The following NRG1 variants were observed in gnomAD, a reference collection of about 807,000 sequenced individuals.
NRG1 encodes the protein pro-neuregulin-1, membrane-bound isoform.
NRG1 carries 18 observed loss-of-function variants against 63.8 expected under a neutral mutation model. The observed-to-expected ratio is 0.28, with a 90% confidence interval of 0.19 to 0.42. The LOEUF is 0.42. Among genes scored for constraint, NRG1 ranks in the 10% least tolerant of loss-of-function variants. The pLI, the probability that NRG1 is intolerant of heterozygous loss-of-function variation, is 1.00. For synonymous variants in NRG1, 302 were observed against 301.3 expected, an observed-to-expected ratio of 1.00 and a Z score of -0.02; for missense variants, 762 against 814.7, an observed-to-expected ratio of 0.94 and a Z score of 0.79.
In NRG1 at chr8:31,963,967, G is replaced by A. The variant is rs118153056; in HGVS notation, c.37+324536G>A. On this transcript the variant is annotated intron_variant, in intron 1 of 10. Transcript: ENST00000519301. ...GGTAACAGGTAGAAAATGTATTGGA[G>A]GAGACTGAGGTTTTTCAAACCTACA... Among the ~76,000 whole-genome samples, 120 of 152,266 alleles carry A rather than the reference G, an allele frequency of 7.9e-4. 4 individuals are homozygous for A. In the East Asian group the frequency reaches 0.022, roughly 28 times the overall value.
At chr8:32,458,553 A>AT (rs1163180895) in intron 1 of NRG1, among the ~76,000 whole-genome samples, 1 of 151,984 alleles carries the variant, frequency 6.6e-6, no homozygotes. Context: ...TATTTCTGCC[A>AT]TTTTTTCTTT....
At chr8:31,927,955 G>C (rs10100377) in intron 1 of NRG1, among the ~76,000 whole-genome samples, 5,212 of 146,308 alleles carry the variant, frequency 0.036, 333 homozygotes, top group African/African-American at 0.13. Context: ...CCATGTTGGT[G>C]TGTGCACCCA....
chr8:32,374,635 C>T (rs969394034), intron 1 of NRG1, among the ~76,000 whole-genome samples: 1 of 152,190 alleles, frequency 6.6e-6, no homozygotes, highest in Non-Finnish European at 1.5e-5. Flanking sequence ...ACATCTTCAC[C>T]TCCAGGGCCT....
intron 1 of NRG1, among the ~76,000 whole-genome samples, chr8:31,732,086 T>G (rs1434329069): frequency 6.6e-6 from 1 of 152,156 alleles, no homozygotes; most frequent in African/African-American, 2.4e-5. Flanking sequence ...AGTAAGGAGT[T>G]GAAAGTTTTT....
chr8:32,700,429 A>T (rs184644755), intron 5 of NRG1, among the ~76,000 whole-genome samples: 483 of 152,308 alleles, frequency 3.2e-3, no homozygotes, highest in Non-Finnish European at 5.3e-3. Context: ...TCTCTTAAGG[A>T]AATAACAGGT....
At chr8:31,747,585 TC>T (rs1816018840) in intron 1 of NRG1, among the ~76,000 whole-genome samples, 1 of 152,116 alleles carries the variant, frequency 6.6e-6, no homozygotes, top group Non-Finnish European at 1.5e-5. Flanking sequence ...AATTACTTTT[TC>T]TAGAGTTTAG....
chr8:31,816,524 T>C (rs985390711), intron 1 of NRG1, among the ~76,000 whole-genome samples: 3 of 152,272 alleles, frequency 2.0e-5, no homozygotes, highest in Non-Finnish European at 4.4e-5. Flanking sequence ...TAATGCCTCG[T>C]GACCAAGATG....
intron 1 of NRG1, among the ~76,000 whole-genome samples, chr8:32,372,162 T>C (rs1808975003): frequency 6.6e-6 from 1 of 151,982 alleles, no homozygotes; most frequent in South Asian, 2.1e-4. Flanking sequence ...CTAATTTTTG[T>C]ATTTTTTGTA....
intron 1 of NRG1, among the ~76,000 whole-genome samples, chr8:32,162,922 C>T (rs1052936943): frequency 5.9e-5 from 9 of 152,158 alleles, no homozygotes; most frequent in Non-Finnish European, 5.9e-5. Flanking sequence ...GAACCAACCA[C>T]ACCACAAGGC....
intron 1 of NRG1, among the ~76,000 whole-genome samples, chr8:32,314,495 T>TA (rs1213981357): frequency 3.3e-5 from 5 of 152,158 alleles, no homozygotes; most frequent in Admixed American, 2.6e-4. Flanking sequence ...GCTCCAGCAA[T>TA]AAGCCTAATG....
intron 1 of NRG1, among the ~76,000 whole-genome samples, chr8:31,751,372 A>T (rs946326638): frequency 2.6e-5 from 4 of 151,998 alleles, no homozygotes; most frequent in African/African-American, 9.7e-5. Context: ...CCTGAGTAAC[A>T]AGGGGAGGGA....
chr8:31,743,382 A>G (rs1815498235), intron 1 of NRG1, among the ~76,000 whole-genome samples: 1 of 151,956 alleles, frequency 6.6e-6, no homozygotes, highest in Non-Finnish European at 1.5e-5. Context: ...TCAAGTTTGT[A>G]CTATTCCCTG....
intron 1 of NRG1, among the ~76,000 whole-genome samples, chr8:32,410,543 G>A (rs1006669157): frequency 7.2e-5 from 11 of 152,144 alleles, no homozygotes; most frequent in Admixed American, 7.2e-4. Flanking sequence ...AGGAAAATAA[G>A]TATTCAAAAT....
rs139517892 is a variant in NRG1 at position 31,863,781 on chromosome 8, T to G, written c.37+224350T>G. ...ATCTTCTGGAAAGCCTTCTAGACATTTCTCTCCCTTCCTCTCTGCCATTAT... is the reference window on the plus strand; with the variant it reads ...ATCTTCTGGAAAGCCTTCTAGACATGTCTCTCCCTTCCTCTCTGCCATTAT... On this transcript the variant is annotated intron_variant, in intron 1 of 10. Coordinates refer to the NRG1 transcript ENST00000519301. 1.8e-4 allele frequency among the ~76,000 whole-genome samples: 28 copies of G among 152,326 alleles called. No individual in the cohort carries two copies. The East Asian group carries it at 4.8e-3, about 26-fold the overall frequency.
chr8:32,741,673 A>T (rs1007587966), intron 6 of NRG1, among the ~76,000 whole-genome samples: 2 of 152,206 alleles, frequency 1.3e-5, no homozygotes, highest in Admixed American at 1.3e-4. Context: ...GTTTCAACAT[A>T]GTGAGAATCA....
At chr8:31,702,669 A>G (rs1810746688) in intron 1 of NRG1, among the ~76,000 whole-genome samples, 1 of 152,146 alleles carries the variant, frequency 6.6e-6, no homozygotes, top group Non-Finnish European at 1.5e-5. Flanking sequence ...AAAACATTTT[A>G]ATAATTGGAA....
At chr8:32,330,375 A>G (rs1802506553) in intron 1 of NRG1, among the ~76,000 whole-genome samples, 1 of 152,234 alleles carries the variant, frequency 6.6e-6, no homozygotes, top group Admixed American at 6.5e-5. Flanking sequence ...GGATAGGTCT[A>G]GAGAGTTGCC....
At chr8:32,620,558 C>T (rs968977827) in intron 5 of NRG1, among the ~76,000 whole-genome samples, 6 of 149,336 alleles carry the variant, frequency 4.0e-5, no homozygotes, top group African/African-American at 1.5e-4. Context: ...CATGGTGGCT[C>T]ATGCCTGTAA....
chr8:32,227,851 G>C (rs1586222233), intron 1 of NRG1, among the ~76,000 whole-genome samples: 1 of 152,296 alleles, frequency 6.6e-6, no homozygotes, highest in East Asian at 1.9e-4. Flanking sequence ...ATGAGTGGCA[G>C]TGAACCAGAA....
Sources: gnomAD v4.1 joint callset for allele counts (sites outside exome capture counted in the v4.1 genomes callset) on GRCh38, gnomAD v4.1.1 for gene constraint, MANE v1.5 for transcripts, NCBI Gene and HGNC (gene_info 2026-07-23, HGNC 2026-07-21) for gene names.